RPF1: variants seen among roughly 807,000 people sequenced by gnomAD.
RPF1 encodes ribosome production factor 1.
RPF1 carries 34 observed loss-of-function variants against 41.9 expected under a neutral mutation model. That is an observed-to-expected ratio of 0.81 (90% CI 0.62 to 1.08). The LOEUF is 1.08. RPF1 is among the 50% of genes least tolerant of loss of function. RPF1 has a pLI of 0.00. For missense variants in RPF1, 425 were observed against 435.2 expected (o/e 0.98, Z 0.21); for synonymous variants, 140 against 148.9 (o/e 0.94, Z 0.43).
intron 3 of RPF1, among the ~76,000 whole-genome samples, chr1:84,483,895 A>T (rs1485814737): frequency 6.6e-6 from 1 of 152,198 alleles, no homozygotes; most frequent in Non-Finnish European, 1.5e-5. Flanking sequence ...GCAAATGTTT[A>T]TGGATTTGCC....
At chr1:84,488,576 C>T (rs893846468) in intron 3 of RPF1, among the ~76,000 whole-genome samples, 1 of 152,056 alleles carries the variant, frequency 6.6e-6, no homozygotes, top group Non-Finnish European at 1.5e-5. Context: ...TCTAGAACTT[C>T]TAGCCTAATG....
chr1:84,489,724 A>G lies in RPF1; in HGVS notation c.458A>G (p.His153Arg). 1 of 1,546,298 alleles carries G rather than the reference A, an allele frequency of 6.5e-7. No individual in the cohort carries two copies. The highest frequency in any genetic ancestry group is 1.1e-5 in the South Asian group (1 of 89,614). ...CTCATCACAACATCAGATAGACCTC[A>G]TGGGGTAAACACATTGATTAATTTA... ...KILITTSDRPHGRTVRLCEQL... is the reference protein window; with the variant it reads ...KILITTSDRPRGRTVRLCEQL... The change falls in exon 4 of 9, where the codon CAT becomes CGT. Residue 153 changes from histidine to arginine, a missense_variant. Coordinates refer to ENST00000370654, the MANE Select transcript of RPF1 (RefSeq NM_025065.7).
At chr1:84,493,377 T>C (rs1681868553) in intron 5 of RPF1, among the ~76,000 whole-genome samples, 2 of 151,198 alleles carry the variant, frequency 1.3e-5, no homozygotes, top group African/African-American at 4.9e-5. Flanking sequence ...CCCAGCACTT[T>C]GGGAGGCTAA....
chr1:84,494,158 G>C (rs188761079), intron 5 of RPF1, among the ~76,000 whole-genome samples: 2 of 152,118 alleles, frequency 1.3e-5, no homozygotes, highest in South Asian at 2.1e-4. Flanking sequence ...TACTTGAGAT[G>C]GTGAGAAAAA....
intron 5 of RPF1, among the ~76,000 whole-genome samples, chr1:84,492,739 A>G (rs1331797588): frequency 6.6e-6 from 1 of 152,126 alleles, no homozygotes; most frequent in Non-Finnish European, 1.5e-5. Flanking sequence ...AGGTAGGGTA[A>G]TTATTTGTGC....
chr1:84,491,357 TTCTG>T (rs1681832364), intron 5 of RPF1, among the ~76,000 whole-genome samples: 1 of 152,204 alleles, frequency 6.6e-6, no homozygotes, highest in African/African-American at 2.4e-5. Context: ...GGACAAGACT[TTCTG>T]TGCTGCCAGA....
At chr1:84,491,737 T>C (rs1447764204) in intron 5 of RPF1, among the ~76,000 whole-genome samples, 1 of 152,218 alleles carries the variant, frequency 6.6e-6, no homozygotes, top group Admixed American at 6.5e-5. Flanking sequence ...TGTCATCACT[T>C]TGAGGCCACT....
chr1:84,489,704 C>T lies in RPF1; in HGVS notation c.438C>T (p.Ile146=), dbSNP rs758382555. The change falls in exon 4 of 9, where the codon ATC becomes ATT. Residue 146 remains isoleucine, a synonymous_variant. Transcript: ENST00000370654. The part of the protein sequence containing the change: ...FNKQTSPKIL[I]TTSDRPHGRT... ...AACAGACTTCTCCCAAGATTCTCAT[C>T]ACAACATCAGATAGACCTCATGGGG... 1.9e-6 allele frequency: 3 copies of T among 1,598,326 alleles called. No individual in the cohort carries two copies. Among genetic ancestry groups the T allele is most frequent in the Non-Finnish European group, 2.6e-6 (3 of 1,165,824 alleles).
At chr1:84,491,907 T>C (rs1681841610) in intron 5 of RPF1, among the ~76,000 whole-genome samples, 1 of 152,222 alleles carries the variant, frequency 6.6e-6, no homozygotes, top group African/African-American at 2.4e-5. Flanking sequence ...ACACCTGTAG[T>C]CCCAGCACTT....
At chr1:84,487,322 C>G (rs1404161801) in intron 3 of RPF1, among the ~76,000 whole-genome samples, 1 of 152,176 alleles carries the variant, frequency 6.6e-6, no homozygotes, top group Non-Finnish European at 1.5e-5. Flanking sequence ...TATGTTCAGA[C>G]TAATGATAAA....
chr1:84,481,487 A>G (rs1257022458), intron 2 of RPF1, among the ~76,000 whole-genome samples: 1 of 152,222 alleles, frequency 6.6e-6, no homozygotes, highest in Non-Finnish European at 1.5e-5. Flanking sequence ...AAGGCAGGAC[A>G]GATCCTCTTC....
In RPF1 at chr1:84,493,183, G is replaced by A. The variant is rs76317622; in HGVS notation, c.617-2190G>A. On this transcript the variant is annotated intron_variant, in intron 5 of 8. Coordinates refer to ENST00000370654, the MANE Select transcript of RPF1 (RefSeq NM_025065.7). ...CTAGAAAGGATTTAAGCCTTGATTT[G>A]GGCGTTGGAAGAAATGACTTTTATA... Among the ~76,000 whole-genome samples, 1,336 of 152,168 alleles carry A rather than the reference G, an allele frequency of 8.8e-3. 7 individuals carry two copies. Among genetic ancestry groups the A allele is most frequent in the Middle Eastern group, 0.014 (4 of 294 alleles).
chr1:84,495,283 T>C, intron 5 of RPF1, 90 bp from the exon 6 acceptor site: 1 of 704,702 alleles, frequency 1.4e-6, no homozygotes, highest in Non-Finnish European at 2.4e-6. Flanking sequence ...GTACAGATTT[T>C]AGGGGCCTTT....
chr1:84,492,193 A>C (rs530650641), intron 5 of RPF1, among the ~76,000 whole-genome samples: 11 of 152,150 alleles, frequency 7.2e-5, no homozygotes, highest in Admixed American at 6.5e-4. Flanking sequence ...CTAGAGACTT[A>C]GCATGGGTTC....
intron 5 of RPF1, among the ~76,000 whole-genome samples, chr1:84,491,106 A>G (rs1352843930): frequency 1.3e-5 from 2 of 152,124 alleles, no homozygotes; most frequent in Non-Finnish European, 2.9e-5. Context: ...CCAGTCTAAA[A>G]CTTTTTCTGT....
At chr1:84,490,193 G>A (rs1278693268) in intron 4 of RPF1, 126 bp from the exon 5 acceptor site, 4 of 628,942 alleles carry the variant, frequency 6.4e-6, no homozygotes, top group Non-Finnish European at 1.0e-5. Context: ...CGAGTTTCAT[G>A]CTTTCCTCAA....
At chr1:84,489,463 C>T (rs561404256) in intron 3 of RPF1, among the ~76,000 whole-genome samples, 170 bp from the exon 4 acceptor site, 41 of 152,264 alleles carry the variant, frequency 2.7e-4, no homozygotes, top group African/African-American at 9.9e-4. Flanking sequence ...GAGAAATCCA[C>T]TCATCCATTC....
chr1:84,497,316 C>T (rs776242188), intron 8 of RPF1, 113 bp from the exon 9 acceptor site: 167 of 786,288 alleles, frequency 2.1e-4, no homozygotes, highest in Non-Finnish European at 3.2e-4. Context: ...GGTTTTTCAG[C>T]ACTAGTGTTA....
At chr1:84,487,466 A>G (rs1431782373) in intron 3 of RPF1, among the ~76,000 whole-genome samples, 1 of 152,080 alleles carries the variant, frequency 6.6e-6, no homozygotes, top group Admixed American at 6.5e-5. Flanking sequence ...AGTATATTTT[A>G]CGCATTTGTG....
Sources: gnomAD v4.1 joint callset for allele counts (sites outside exome capture counted in the v4.1 genomes callset) on GRCh38, gnomAD v4.1.1 for gene constraint, MANE v1.5 for transcripts, NCBI Gene and HGNC (gene_info 2026-07-23, HGNC 2026-07-21) for gene names.